Variants in ZNF618 observed in about 807,000 individuals in gnomAD.
The protein encoded by ZNF618 is neural precursor cell expressed, developmentally down-regulated 10.
Under a neutral mutation model 103.0 loss-of-function variants are expected in ZNF618, and 34 were observed. The ratio of observed to expected loss-of-function variants is 0.33; its 90% CI spans 0.25 to 0.44. The LOEUF (loss-of-function observed/expected upper bound fraction) is 0.44, where lower values mean the gene tolerates loss of function less well. Among genes scored for constraint, ZNF618 ranks in the 20% least tolerant of loss-of-function variants. ZNF618 has a pLI of 1.00. For missense variants in ZNF618, 1,059 were observed against 1,295.4 expected (o/e 0.82, Z 2.80); for synonymous variants, 551 against 542.2 (o/e 1.02, Z -0.23).
At chr9:113,988,298 G>T in intron 2 of ZNF618, 23 bp from the exon 3 acceptor site, 1 of 1,601,112 alleles carries the variant, frequency 6.2e-7, no homozygotes, top group South Asian at 1.1e-5. Flanking sequence ...AGAAGGTATT[G>T]AACGGAGTTT....
At chr9:113,970,679 C>G (rs545825106) in intron 2 of ZNF618, among the ~76,000 whole-genome samples, 1 of 152,074 alleles carries the variant, frequency 6.6e-6, no homozygotes, top group East Asian at 1.9e-4. Context: ...TTTCATCTTT[C>G]AGATCTGGAG....
In ZNF618 at chr9:113,924,424, C is replaced by CTTT. The variant is rs869300538; in HGVS notation, c.34-44680_34-44678dup. Among the ~76,000 whole-genome samples, 14 of 67,214 alleles carry CTTT rather than the reference C, an allele frequency of 2.1e-4. No individual in the cohort carries two copies. In the East Asian group the frequency reaches 4.1e-3, roughly 20 times the overall value. The allele number at this position is 67,214 out of a possible 152,430, so 44.1% of individuals were successfully genotyped here. A position where few individuals can be genotyped will look rare whatever the true frequency, so the allele number is the denominator to read the frequency against. ...TCTTCTTCTTCTTCTTCTTCTTCTT[C>CTTT]TTTTTTTTTTTTTTTGGTCTTGGTT... On this transcript the variant is annotated intron_variant, in intron 1 of 14. Transcript: ENST00000374126.
rs531557229 is a variant in ZNF618, at chr9:113,951,857, C to T, written c.34-17260C>T. Among the ~76,000 whole-genome samples the T allele has an allele frequency of 1.1e-4, 16 of 152,010 alleles. 1 individual carries two copies. The highest frequency in any genetic ancestry group is 3.6e-4 in the African/African-American group (15 of 41,460). On this transcript the variant is annotated intron_variant, in intron 1 of 14. Transcript: ENST00000374126. ...GTTTGATGATTGAATGTGCTGACAC[C>T]GTTTCCCTTTGGGCAGATGGGACTC...
At chr9:114,024,416 G>A (rs942690654) in intron 10 of ZNF618, among the ~76,000 whole-genome samples, 7 of 151,994 alleles carry the variant, frequency 4.6e-5, no homozygotes, top group Non-Finnish European at 5.9e-5. Flanking sequence ...TGTTTCTTCC[G>A]TGCTGCATCC....
chr9:113,958,968 T>C (rs117297823), intron 1 of ZNF618, among the ~76,000 whole-genome samples: 6,016 of 152,284 alleles, frequency 0.04, 171 homozygotes, highest in Middle Eastern at 0.075. Context: ...AGAAACTCTT[T>C]TGTAAATGTG....
Position 113,949,041 on chromosome 9 carries a change from G to A in ZNF618, c.34-20076G>A, listed in dbSNP as rs545781875. 4.6e-5 allele frequency among the ~76,000 whole-genome samples: 7 copies of A among 152,356 alleles called. No homozygotes were observed. The South Asian group carries it at 1.4e-3, about 32-fold the overall frequency. On this transcript the variant is annotated intron_variant, in intron 1 of 14. Coordinates refer to ENST00000374126, the MANE Select transcript of ZNF618 (RefSeq NM_001318042.2). ...TACTCAGCCTGTAAGTTTCAGAGAT[G>A]AAGCTTGAATGCATGTCTTCCCGGT...
In ZNF618 at chr9:114,028,959, C is replaced by A; in HGVS notation, c.1071C>A (p.Ser357Arg). ...CTCCAAATTCGGGATCTCCGGCGAG[C>A]AAGGCAACCGCAGGTACCAATGGCC... ...FRTPNSGSPA[S>R]KATAAESAFS... Residue 357 changes from serine (S) to arginine (R), a missense_variant, in exon 11 of 15, where the codon AGC (serine) becomes AGA (arginine). Transcript: ENST00000374126. 1 of 1,550,486 alleles carries A rather than the reference C, an allele frequency of 6.4e-7. No individual in the cohort carries two copies. Among genetic ancestry groups the A allele is most frequent in the Non-Finnish European group, 8.7e-7 (1 of 1,146,954 alleles).
chr9:114,033,643 G>T (rs73658320), intron 12 of ZNF618, among the ~76,000 whole-genome samples: 1 of 152,164 alleles, frequency 6.6e-6, no homozygotes, highest in African/African-American at 2.4e-5. Context: ...GGGTCAGCCT[G>T]GGGGGTGCCT....
At chr9:114,001,874 C>G in intron 4 of ZNF618, 122 bp from the exon 5 acceptor site, 1 of 857,184 alleles carries the variant, frequency 1.2e-6, no homozygotes, top group Non-Finnish European at 2.0e-6. Flanking sequence ...TGCCTCCTTG[C>G]CAGGGACCAT....
Position 114,004,874 on chromosome 9 carries a change from A to C in ZNF618, c.550+2212A>C, listed in dbSNP as rs73658312. On this transcript the variant is annotated intron_variant, in intron 6 of 14. Transcript: ENST00000374126. ...GAAATGAGGTCTCACACATTCTATT[A>C]ACAGTTCTAGGACTTTTCATTTATT... 7.9e-3 allele frequency among the ~76,000 whole-genome samples: 1,199 copies of C among 152,348 alleles called. 10 individuals are homozygous for C. Among genetic ancestry groups the C allele is most frequent in the African/African-American group, 0.025 (1,046 of 41,578 alleles).
At chr9:113,970,857 G>A (rs1423811841) in intron 2 of ZNF618, among the ~76,000 whole-genome samples, 1 of 149,298 alleles carries the variant, frequency 6.7e-6, no homozygotes, top group Admixed American at 6.7e-5. Context: ...GTCTCTCTGA[G>A]AATGCCAGCT....
At chr9:113,904,812 T>C (rs1347055498) in intron 1 of ZNF618, among the ~76,000 whole-genome samples, 1 of 151,772 alleles carries the variant, frequency 6.6e-6, no homozygotes, top group African/African-American at 2.4e-5. Context: ...GGCAGAGTTC[T>C]TCTCACGTTG....
chr9:113,948,251 C>G (rs529799226), intron 1 of ZNF618, among the ~76,000 whole-genome samples: 1 of 152,296 alleles, frequency 6.6e-6, no homozygotes, highest in East Asian at 1.9e-4. Context: ...ACGCAGAAAA[C>G]CAGGCAGAAC....
At chr9:114,035,329 T>C in intron 12 of ZNF618, 1 of 870,604 alleles carries the variant, frequency 1.1e-6, no homozygotes, top group Non-Finnish European at 1.4e-6. Context: ...CCAGGCTGTG[T>C]GAGATGGGCC....
intron 1 of ZNF618, among the ~76,000 whole-genome samples, chr9:113,935,706 A>G (rs765179092): frequency 1.4e-4 from 22 of 152,202 alleles, no homozygotes; most frequent in African/African-American, 5.3e-4. Context: ...TTTAGGTGTG[A>G]TGATGGATAC....
At chr9:113,891,054 T>G (rs1829576155) in intron 1 of ZNF618, among the ~76,000 whole-genome samples, 1 of 152,226 alleles carries the variant, frequency 6.6e-6, no homozygotes, top group Non-Finnish European at 1.5e-5. Flanking sequence ...TTTTTAAAAC[T>G]TAGTTGATGT....
chr9:113,880,824 G>A (rs996606302), intron 1 of ZNF618, among the ~76,000 whole-genome samples: 5 of 152,202 alleles, frequency 3.3e-5, no homozygotes, highest in African/African-American at 1.2e-4. Flanking sequence ...GAAAGGTACT[G>A]GACTAGCTGA....
intron 1 of ZNF618, among the ~76,000 whole-genome samples, chr9:113,913,101 T>G (rs1456474495): frequency 6.6e-6 from 1 of 151,838 alleles, no homozygotes; most frequent in Non-Finnish European, 1.5e-5. Flanking sequence ...GTGAGCAGAG[T>G]GGATTTCACC....
intron 1 of ZNF618, among the ~76,000 whole-genome samples, chr9:113,944,728 A>T (rs1834855283): frequency 6.6e-6 from 1 of 152,254 alleles, no homozygotes; most frequent in Non-Finnish European, 1.5e-5. Flanking sequence ...TATTGAGCCC[A>T]TTGTATCAAA....
Sources: gnomAD v4.1 joint callset for allele counts (sites outside exome capture counted in the v4.1 genomes callset) on GRCh38, gnomAD v4.1.1 for gene constraint, MANE v1.5 for transcripts, NCBI Gene and HGNC (gene_info 2026-07-23, HGNC 2026-07-21) for gene names.